Variants in CDH20 observed in about 807,000 individuals in gnomAD.
The protein encoded by CDH20 is cadherin-20.
Under a neutral mutation model 74.2 loss-of-function variants are expected in CDH20, and 29 were observed. The ratio of observed to expected loss-of-function variants is 0.39; its 90% CI spans 0.29 to 0.53. The LOEUF (loss-of-function observed/expected upper bound fraction) is 0.53, where lower values mean the gene tolerates loss of function less well. Among genes scored for constraint, CDH20 ranks in the 20% least tolerant of loss-of-function variants. The pLI, the probability that CDH20 is intolerant of heterozygous loss-of-function variation, is 0.69. For missense variants in CDH20, 988 were observed against 1,048.3 expected (o/e 0.94, Z 0.79); for synonymous variants, 469 against 405.4 (o/e 1.16, Z -1.88).
At chr18:61,417,662 T>C (rs1352386732) in intron 1 of CDH20, among the ~76,000 whole-genome samples, 1 of 139,338 alleles carries the variant, frequency 7.2e-6, no homozygotes, top group African/African-American at 2.7e-5. Context: ...GGAAGGGTAG[T>C]GTGGAGGGGG....
At chr18:61,390,237 A>T (rs1051526751) in intron 1 of CDH20, among the ~76,000 whole-genome samples, 4 of 152,174 alleles carry the variant, frequency 2.6e-5, no homozygotes, top group African/African-American at 9.7e-5. Flanking sequence ...GGAATGAATA[A>T]ATCATCTAGA....
chr18:61,436,464 G>A (rs1010509114), intron 1 of CDH20, among the ~76,000 whole-genome samples: 4 of 152,132 alleles, frequency 2.6e-5, no homozygotes, highest in Non-Finnish European at 5.9e-5. Context: ...GATGTAAAGT[G>A]CTGTCTCATT....
intron 1 of CDH20, among the ~76,000 whole-genome samples, chr18:61,401,277 T>C (rs1912146372): frequency 6.6e-6 from 1 of 152,044 alleles, no homozygotes; most frequent in Non-Finnish European, 1.5e-5. Context: ...TTGAAAAAAG[T>C]GAGGAGAGAA....
intron 6 of CDH20, among the ~76,000 whole-genome samples, chr18:61,523,294 G>A (rs1470488698): frequency 2.6e-5 from 4 of 151,810 alleles, no homozygotes; most frequent in Admixed American, 6.6e-5. Flanking sequence ...AGACATTTAT[G>A]CAGCCAACAA....
chr18:61,531,514 A>T (rs1483045781), intron 7 of CDH20, among the ~76,000 whole-genome samples: 1 of 152,226 alleles, frequency 6.6e-6, no homozygotes, highest in Non-Finnish European at 1.5e-5. Context: ...TTCAATTCTG[A>T]AAATAGTAAA....
intron 1 of CDH20, among the ~76,000 whole-genome samples, chr18:61,461,660 G>A (rs1909781010): frequency 6.6e-6 from 1 of 152,132 alleles, no homozygotes; most frequent in Non-Finnish European, 1.5e-5. Flanking sequence ...AACAAAGCGA[G>A]GAAAGAATGA....
chr18:61,488,008 A>G (rs976212492), intron 1 of CDH20, among the ~76,000 whole-genome samples: 9 of 152,028 alleles, frequency 5.9e-5, no homozygotes, highest in African/African-American at 1.9e-4. Flanking sequence ...AATAACAGAC[A>G]TGTGTGCTTA....
At chr18:61,432,680 G>A (rs1913296807) in intron 1 of CDH20, among the ~76,000 whole-genome samples, 3 of 152,170 alleles carry the variant, frequency 2.0e-5, no homozygotes, top group Non-Finnish European at 4.4e-5. Flanking sequence ...AGGGGAAGGG[G>A]TGATGGCACA....
chr18:61,478,431 C>T lies in CDH20; in HGVS notation c.-152-11971C>T, dbSNP rs568956823. 8.5e-5 allele frequency among the ~76,000 whole-genome samples: 13 copies of T among 152,160 alleles called. No individual in the cohort carries two copies. The East Asian group carries it at 1.4e-3, about 16-fold the overall frequency. On this transcript the variant is annotated intron_variant, in intron 1 of 11. Transcript: ENST00000262717. ...TTCTAATAACTGTTTAATTCAATAT[C>T]TCAACATTTTTCTTTTCTACCTTTG...
chr18:61,452,886 A>C (rs955560662), intron 1 of CDH20, among the ~76,000 whole-genome samples: 4 of 152,182 alleles, frequency 2.6e-5, no homozygotes, highest in Non-Finnish European at 1.5e-5. Flanking sequence ...GATCATTTTA[A>C]AAAATTCAAA....
intron 2 of CDH20, among the ~76,000 whole-genome samples, chr18:61,491,121 G>A (rs1910946647): frequency 6.6e-6 from 1 of 152,192 alleles, no homozygotes; most frequent in Admixed American, 6.5e-5. Flanking sequence ...GAATGGGTGA[G>A]AGGGAAACTT....
At chr18:61,526,729 A>G (rs1912427930) in intron 6 of CDH20, among the ~76,000 whole-genome samples, 1 of 152,240 alleles carries the variant, frequency 6.6e-6, no homozygotes, top group African/African-American at 2.4e-5. Context: ...ATAAATCAAA[A>G]TAGAGAACAA....
At chr18:61,413,806 G>A (rs950171273) in intron 1 of CDH20, among the ~76,000 whole-genome samples, 1 of 152,062 alleles carries the variant, frequency 6.6e-6, no homozygotes, top group Non-Finnish European at 1.5e-5. Context: ...ACTTAAAAAT[G>A]TGATGGTAAC....
In CDH20 at chr18:61,340,226, C is replaced by CTTCTTTTTTTTT. The variant is rs1555669260; in HGVS notation, c.-153+6401_-153+6402insCTTTTTTTTTTT. ...TGTCTTTAGCTAAATCTTCAGCCTT[C>CTTCTTTTTTTTT]TTTTTTTTTTAAAGGTCTGACCTTA... On this transcript the variant is annotated intron_variant, in intron 1 of 11. Coordinates refer to ENST00000262717, the MANE Select transcript of CDH20 (RefSeq NM_031891.4). Among the ~76,000 whole-genome samples the CTTCTTTTTTTTT allele has an allele frequency of 3.6e-4, 43 of 119,748 alleles. 1 individual carries two copies. The highest frequency in any genetic ancestry group is 1.2e-3 in the African/African-American group (40 of 33,058). The allele number at this position is 119,748 out of a possible 152,430, so 78.6% of individuals were successfully genotyped here.
chr18:61,439,852 T>C (rs751052613), intron 1 of CDH20, among the ~76,000 whole-genome samples: 3 of 152,180 alleles, frequency 2.0e-5, no homozygotes, highest in Non-Finnish European at 4.4e-5. Flanking sequence ...GTGAGTTGGC[T>C]AAGGAAAATG....
At chr18:61,487,047 T>G (rs1251681716) in intron 1 of CDH20, among the ~76,000 whole-genome samples, 4 of 152,234 alleles carry the variant, frequency 2.6e-5, no homozygotes, top group African/African-American at 9.6e-5. Flanking sequence ...AATTTCTTCC[T>G]ACTGTGTTCA....
At chr18:61,413,825 T>C (rs150827514) in intron 1 of CDH20, among the ~76,000 whole-genome samples, 2 of 152,220 alleles carry the variant, frequency 1.3e-5, no homozygotes, top group East Asian at 1.9e-4. Flanking sequence ...ACATGAAGCA[T>C]ACAAATGGAG....
intron 1 of CDH20, among the ~76,000 whole-genome samples, chr18:61,367,224 G>T (rs1452328997): frequency 6.6e-6 from 1 of 152,086 alleles, no homozygotes; most frequent in African/African-American, 2.4e-5. Flanking sequence ...TGTTTTACGT[G>T]TTCTCTACAA....
chr18:61,519,014 G>A (rs1284031556), intron 6 of CDH20, among the ~76,000 whole-genome samples: 1 of 151,016 alleles, frequency 6.6e-6, no homozygotes, highest in Admixed American at 6.6e-5. Flanking sequence ...GTGGAAGAAA[G>A]GATATCAGAA....
Sources: allele counts gnomAD v4.1 joint callset (sites outside exome capture counted in the v4.1 genomes callset), GRCh38; gene constraint gnomAD v4.1.1; transcripts MANE v1.5; gene names NCBI Gene and HGNC (gene_info 2026-07-23, HGNC 2026-07-21).